The following PLCE1 variants were observed in gnomAD, a reference collection of about 807,000 sequenced individuals.
The protein encoded by PLCE1 is 1-phosphatidylinositol 4,5-bisphosphate phosphodiesterase epsilon-1.
Under a neutral mutation model 242.8 loss-of-function variants are expected in PLCE1, and 119 were observed. The observed-to-expected ratio is 0.49, with a 90% CI of 0.42 to 0.57. PLCE1 has a LOEUF of 0.57. Among genes scored for constraint, PLCE1 ranks in the 20% least tolerant of loss-of-function variants. The probability of loss-of-function intolerance (pLI) is 0.00; values close to 1 mark genes in which losing one functional copy is unlikely to be tolerated. For synonymous variants in PLCE1, 945 were observed against 1,017.4 expected, an observed-to-expected ratio of 0.93 and a Z score of 1.35; for missense variants, 2,441 against 2,788.8, an observed-to-expected ratio of 0.88 and a Z score of 2.81.
intron 4 of PLCE1, among the ~76,000 whole-genome samples, chr10:94,191,510 C>T (rs1288635402): frequency 6.6e-6 from 1 of 151,908 alleles, no homozygotes; most frequent in African/African-American, 2.4e-5. Flanking sequence ...GTGTGGGGTA[C>T]GTGCCTGTAG....
intron 13 of PLCE1, among the ~76,000 whole-genome samples, chr10:94,261,876 G>A (rs562244733): frequency 2.0e-5 from 3 of 152,148 alleles, no homozygotes; most frequent in African/African-American, 7.2e-5. Context: ...ACAAAAATGT[G>A]CAAGTAGTTA....
chr10:94,042,727 C>A (rs922744455), intron 2 of PLCE1, among the ~76,000 whole-genome samples: 1 of 152,058 alleles, frequency 6.6e-6, no homozygotes, highest in African/African-American at 2.4e-5. Flanking sequence ...TATGACTCAG[C>A]CTGCTAGGAG....
chr10:94,222,545 G>A (rs1470166347), intron 4 of PLCE1, among the ~76,000 whole-genome samples: 2 of 152,226 alleles, frequency 1.3e-5, no homozygotes, highest in African/African-American at 4.8e-5. Context: ...GCAGTGTGTG[G>A]ACACACTCCA....
chr10:94,165,842 G>C (rs1564748514), intron 3 of PLCE1, among the ~76,000 whole-genome samples: 2 of 151,894 alleles, frequency 1.3e-5, no homozygotes, highest in Non-Finnish European at 2.9e-5. Context: ...CGAGTAGCTG[G>C]GATTACAGGT....
intron 7 of PLCE1, among the ~76,000 whole-genome samples, chr10:94,239,928 A>G (rs1250482261): frequency 6.6e-6 from 1 of 152,102 alleles, no homozygotes; most frequent in Non-Finnish European, 1.5e-5. Context: ...CCAACACACA[A>G]CATCCTTTAT....
At chr10:94,104,358 G>A (rs2045650040) in intron 2 of PLCE1, 1 of 152,194 alleles carries the variant, frequency 6.6e-6, no homozygotes, top group Non-Finnish European at 1.5e-5. Flanking sequence ...CATTACTCGT[G>A]GTTAGTAGTG....
At chr10:94,285,100 T>A (rs2052391105) in intron 22 of PLCE1, 135 bp downstream of exon 22, 1 of 626,352 alleles carries the variant, frequency 1.6e-6, no homozygotes, top group Non-Finnish European at 2.9e-6. Flanking sequence ...TAATACCTCC[T>A]AAATATCTTT....
intron 3 of PLCE1, among the ~76,000 whole-genome samples, chr10:94,133,026 T>C (rs1202033499): frequency 6.6e-6 from 1 of 152,218 alleles, no homozygotes; most frequent in South Asian, 2.1e-4. Context: ...TCTTTAATTT[T>C]TTTTTAAATG....
In PLCE1 at chr10:94,246,055, G is replaced by T; in HGVS notation, c.2530G>T (p.Glu844Ter). ...DSQKAFDHGT[E>*]LIPWYVLSIQ... ...ACAGAAGGCCTTCGACCATGGGACG[G>T]AGCTCATCCCTTGGTACGTGCTGTC... is the stretch of plus-strand genomic sequence containing the variant. The change falls in exon 8 of 33, where the codon GAG (glutamate) becomes TAG (stop). Residue 844 changes from glutamate to a stop codon, truncating the protein, a stop_gained. Transcript: ENST00000371380. LOFTEE classifies it high-confidence loss of function. 6.2e-7 allele frequency: 1 copy of T among 1,614,060 alleles called. No individual in the cohort carries two copies. Among genetic ancestry groups the T allele is most frequent in the East Asian group, 2.2e-5 (1 of 44,870 alleles).
chr10:94,125,957 A>G (rs1436204191), intron 2 of PLCE1, among the ~76,000 whole-genome samples: 1 of 152,070 alleles, frequency 6.6e-6, no homozygotes, highest in Non-Finnish European at 1.5e-5. Context: ...TAGTGCATGC[A>G]AGTCTTTGCC....
intron 3 of PLCE1, among the ~76,000 whole-genome samples, chr10:94,157,017 C>T (rs188129143): frequency 6.6e-6 from 1 of 151,310 alleles, no homozygotes; most frequent in African/African-American, 2.4e-5. Context: ...TTTTGGGGGG[C>T]GAGGTCTTTT....
In PLCE1 at chr10:94,106,954, T is replaced by TCC. The variant is rs1199787876; in HGVS notation, c.1207-25212_1207-25211dup. ...TCTCTCTCTCTCTCTCCCCCTCCCCTCCCCCCCCCAACACCCTTTTCTCCT... is the reference window on the plus strand; with the variant it reads ...TCTCTCTCTCTCTCTCCCCCTCCCCTCCCCCCCCCCCAACACCCTTTTCTCCT... On this transcript the variant is annotated intron_variant, in intron 2 of 32. Transcript: ENST00000371380. The TCC allele has an allele frequency of 7.9e-3, 146 of 18,518 alleles. 1 individual carries two copies. Among genetic ancestry groups the TCC allele is most frequent in the African/African-American group, 0.025 (137 of 5,516 alleles). The allele number at this position is 18,518 out of a possible 1,614,324, so 1.1% of individuals were successfully genotyped here.
At chr10:94,047,970 CA>C (rs201554873) in intron 2 of PLCE1, among the ~76,000 whole-genome samples, 5 of 151,750 alleles carry the variant, frequency 3.3e-5, no homozygotes, top group Non-Finnish European at 5.9e-5. Context: ...GAATTCATGT[CA>C]AAAAAAACTT....
intron 2 of PLCE1, among the ~76,000 whole-genome samples, chr10:94,085,694 G>T (rs1453052385): frequency 6.6e-6 from 1 of 152,224 alleles, no homozygotes; most frequent in African/African-American, 2.4e-5. Flanking sequence ...GTCCTAAATA[G>T]TTCCCATGGA....
chr10:94,245,054 G>T (rs894113974), intron 7 of PLCE1, among the ~76,000 whole-genome samples: 8 of 152,000 alleles, frequency 5.3e-5, no homozygotes, highest in Admixed American at 1.3e-4. Context: ...ACCTAAAAAG[G>T]TTAAAAAAAC....
intron 3 of PLCE1, among the ~76,000 whole-genome samples, chr10:94,162,256 G>T (rs1211670322): frequency 6.6e-6 from 1 of 152,132 alleles, no homozygotes; most frequent in African/African-American, 2.4e-5. Flanking sequence ...TGTACCTCTG[G>T]TAGAATTTGG....
intron 16 of PLCE1, among the ~76,000 whole-genome samples, chr10:94,267,156 A>C (rs2051550096): frequency 6.6e-6 from 1 of 152,222 alleles, no homozygotes; most frequent in East Asian, 1.9e-4. Context: ...TTTCATATAC[A>C]CATTTGTAGG....
intron 2 of PLCE1, among the ~76,000 whole-genome samples, chr10:94,112,312 A>G (rs1393117215): frequency 1.3e-5 from 2 of 152,218 alleles, no homozygotes. Context: ...AGGTTGAATG[A>G]TATGAAATTT....
chr10:94,224,393 G>A (rs2049868969), intron 4 of PLCE1, among the ~76,000 whole-genome samples: 1 of 152,144 alleles, frequency 6.6e-6, no homozygotes, highest in Non-Finnish European at 1.5e-5. Flanking sequence ...AGGGGGAGGT[G>A]AGTTAACCCT....
Sources: allele counts gnomAD v4.1 joint callset (sites outside exome capture counted in the v4.1 genomes callset), GRCh38; gene constraint gnomAD v4.1.1; transcripts MANE v1.5; gene names NCBI Gene and HGNC (gene_info 2026-07-23, HGNC 2026-07-21).